The following KCNMB2 variants were observed in gnomAD, a reference collection of about 807,000 sequenced individuals.
KCNMB2 encodes the protein potassium calcium-activated channel subfamily M regulatory beta subunit 2.
KCNMB2 carries 9 observed loss-of-function variants against 24.5 expected under a neutral mutation model. The observed-to-expected ratio is 0.37, with a 90% CI of 0.22 to 0.64. KCNMB2 has a LOEUF of 0.64. Among genes scored for constraint, KCNMB2 ranks in the 30% least tolerant of loss-of-function variants. The pLI, the probability that KCNMB2 is intolerant of heterozygous loss-of-function variation, is 0.63. For synonymous variants in KCNMB2, 109 were observed against 104.4 expected (o/e 1.04, Z -0.27); for missense variants, 226 against 284.3 (o/e 0.79, Z 1.47).
intron 1 of KCNMB2, among the ~76,000 whole-genome samples, chr3:178,644,906 A>C (rs1719863119): frequency 6.6e-6 from 1 of 152,226 alleles, no homozygotes; most frequent in African/African-American, 2.4e-5. Flanking sequence ...GAACTAGATT[A>C]GATTAAATTG....
Position 178,723,038 on chromosome 3 carries a change from G to C in KCNMB2, c.-67-84305G>C, listed in dbSNP as rs191771441. On this transcript the variant is annotated intron_variant, in intron 1 of 4. Transcript: ENST00000452583. ...AAAAAAATCAGTTGACTATAGTTGG[G>C]TGAATCAGTTTCTAGACTCTCCATT... 2.0e-5 allele frequency among the ~76,000 whole-genome samples: 3 copies of C among 152,206 alleles called. No homozygotes were observed. The East Asian group carries it at 5.8e-4, about 29-fold the overall frequency.
At chr3:178,560,212 T>A (rs1008730169) in intron 1 of KCNMB2, among the ~76,000 whole-genome samples, 1 of 151,980 alleles carries the variant, frequency 6.6e-6, no homozygotes, top group African/African-American at 2.4e-5. Flanking sequence ...TCCAAGATAG[T>A]TTGTACCATT....
At chr3:178,545,871 A>G (rs1715756067) in intron 1 of KCNMB2, among the ~76,000 whole-genome samples, 2 of 152,220 alleles carry the variant, frequency 1.3e-5, no homozygotes, top group South Asian at 4.1e-4. Context: ...CCACATTTTC[A>G]TCGCATTTTG....
chr3:178,541,176 G>A (rs1393399149), intron 1 of KCNMB2, among the ~76,000 whole-genome samples: 2 of 152,042 alleles, frequency 1.3e-5, no homozygotes, highest in African/African-American at 2.4e-5. Context: ...CTGCACAGGA[G>A]GGGGAAAAAA....
intron 1 of KCNMB2, among the ~76,000 whole-genome samples, chr3:178,776,356 C>T (rs568868129): frequency 1.5e-4 from 23 of 152,246 alleles, no homozygotes; most frequent in Admixed American, 5.9e-4. Flanking sequence ...CTAAATACTG[C>T]CTGTATTTGT....
At chr3:178,775,134 C>A (rs905798328) in intron 1 of KCNMB2, among the ~76,000 whole-genome samples, 1 of 152,208 alleles carries the variant, frequency 6.6e-6, no homozygotes, top group Non-Finnish European at 1.5e-5. Context: ...GGACCAAGAA[C>A]TAATATATGA....
intron 1 of KCNMB2, among the ~76,000 whole-genome samples, chr3:178,634,941 T>C (rs1719461917): frequency 6.6e-6 from 1 of 151,960 alleles, no homozygotes; most frequent in Non-Finnish European, 1.5e-5. Context: ...CAACATGGGG[T>C]GCAAGGGTAC....
At chr3:178,757,944 G>T (rs1724214044) in intron 1 of KCNMB2, among the ~76,000 whole-genome samples, 3 of 66,298 alleles carry the variant, frequency 4.5e-5, no homozygotes, top group Non-Finnish European at 8.5e-5. Flanking sequence ...TACACAAGGG[G>T]ATATATAGAC....
chr3:178,801,674 A>T (rs1258468845), intron 1 of KCNMB2: 2 of 152,232 alleles, frequency 1.3e-5, no homozygotes, highest in African/African-American at 4.8e-5. Flanking sequence ...TTGTCCTCTA[A>T]GTCAAGGTTG....
At chr3:178,712,365 G>T (rs1372404951) in intron 1 of KCNMB2, among the ~76,000 whole-genome samples, 2 of 152,192 alleles carry the variant, frequency 1.3e-5, no homozygotes, top group Non-Finnish European at 2.9e-5. Flanking sequence ...ATACAGTCTA[G>T]TTGAAGGAGG....
intron 1 of KCNMB2, among the ~76,000 whole-genome samples, chr3:178,790,295 C>A (rs1003099634): frequency 2.6e-5 from 4 of 151,958 alleles, no homozygotes. Context: ...TCAGTGAGAC[C>A]CAGGGTCATG....
intron 1 of KCNMB2, among the ~76,000 whole-genome samples, chr3:178,695,677 G>A (rs1012458616): frequency 4.6e-5 from 7 of 151,826 alleles, no homozygotes; most frequent in African/African-American, 1.5e-4. Flanking sequence ...ATCTCCATCC[G>A]AGACCACCTC....
chr3:178,600,063 A>G (rs1410155698), intron 1 of KCNMB2, among the ~76,000 whole-genome samples: 2 of 152,112 alleles, frequency 1.3e-5, no homozygotes, highest in Non-Finnish European at 2.9e-5. Flanking sequence ...TTTTTAGTAG[A>G]GAAGGGGTTT....
intron 1 of KCNMB2, among the ~76,000 whole-genome samples, chr3:178,679,139 T>G (rs1187804711): frequency 6.6e-6 from 1 of 152,190 alleles, no homozygotes; most frequent in East Asian, 1.9e-4. Flanking sequence ...ATCAGTTTTT[T>G]TATTTGTTGA....
chr3:178,711,058 T>C (rs1577116556), intron 1 of KCNMB2, among the ~76,000 whole-genome samples: 1 of 152,266 alleles, frequency 6.6e-6, no homozygotes, highest in Non-Finnish European at 1.5e-5. Context: ...TCCGTTTATA[T>C]AAATAGTTTA....
At position 178,844,035 on chromosome 3, in the gene KCNMB2, T is replaced by C. The variant is rs1320150702; in HGVS notation, c.*1098T>C. The C allele has an allele frequency of 4.6e-5, 7 of 152,566 alleles. No individual in the cohort carries two copies. The highest frequency in any genetic ancestry group is 8.8e-5 in the Non-Finnish European group (6 of 67,990). The allele number at this position is 152,566 out of a possible 1,614,324, so 9.5% of individuals were successfully genotyped here. A position where few individuals can be genotyped will look rare whatever the true frequency, so the allele number is the denominator to read the frequency against. ...TGTTATATTTTATACACAGAATAGA[T>C]CTTTTTTCTAACACATATTTGAACT... On this transcript the variant is annotated 3_prime_UTR_variant, in exon 5 of 5. Coordinates refer to ENST00000452583, the MANE Select transcript of KCNMB2 (RefSeq NM_181361.3).
intron 1 of KCNMB2, among the ~76,000 whole-genome samples, chr3:178,722,658 C>T (rs1722846081): frequency 1.3e-5 from 2 of 152,068 alleles, no homozygotes; most frequent in African/African-American, 4.8e-5. Flanking sequence ...CTTTGGGGAC[C>T]AAGATGGGCA....
At chr3:178,800,578 G>A (rs1713736444) in intron 1 of KCNMB2, among the ~76,000 whole-genome samples, 1 of 152,132 alleles carries the variant, frequency 6.6e-6, no homozygotes, top group African/African-American at 2.4e-5. Context: ...CACTGTTGGT[G>A]GGAATGTAAA....
chr3:178,730,755 T>C (rs929543163), intron 1 of KCNMB2, among the ~76,000 whole-genome samples: 1 of 152,128 alleles, frequency 6.6e-6, no homozygotes, highest in Non-Finnish European at 1.5e-5. Flanking sequence ...AGCTAATGCC[T>C]GCAGTAGACC....
Sources: gnomAD v4.1 joint callset for allele counts (sites outside exome capture counted in the v4.1 genomes callset) on GRCh38, gnomAD v4.1.1 for gene constraint, MANE v1.5 for transcripts, NCBI Gene and HGNC (gene_info 2026-07-23, HGNC 2026-07-21) for gene names.